The following PCDHA5 variants were observed in gnomAD, a reference collection of about 807,000 sequenced individuals.
PCDHA5 encodes the protein protocadherin alpha-5.
A neutral mutation model predicts 61.6 loss-of-function variants in PCDHA5; 43 were observed. The ratio of observed to expected loss-of-function variants is 0.70; its 90% CI spans 0.55 to 0.90. The LOEUF is 0.90. PCDHA5 is among the 40% of genes least tolerant of loss of function. The pLI is 0.00. For missense variants in PCDHA5, 1,298 were observed against 1,222.7 expected, an observed-to-expected ratio of 1.06 and a Z score of -0.92; for synonymous variants, 627 against 543.9, an observed-to-expected ratio of 1.15 and a Z score of -2.13.
Position 140,876,841 on chromosome 5 carries a change from C to T in PCDHA5, c.2352+52714C>T, listed in dbSNP as rs782712356. ...GAACGACAATGCGCCTGCGTTCGCGCAGCCCGAGTACACAGTGTTCGTGAA... is the reference window on the plus strand; with the variant it reads ...GAACGACAATGCGCCTGCGTTCGCGTAGCCCGAGTACACAGTGTTCGTGAA... On this transcript the variant is annotated intron_variant, in intron 1 of 3. Transcript: ENST00000529859. 4.3e-6 allele frequency: 7 copies of T among 1,614,130 alleles called. No homozygotes were observed. In the South Asian group the frequency reaches 7.7e-5, roughly 18 times the overall value.
At chr5:140,985,310 TG>T (rs1563522847) in intron 3 of PCDHA5, among the ~76,000 whole-genome samples, 2 of 152,196 alleles carry the variant, frequency 1.3e-5, no homozygotes, top group African/African-American at 4.8e-5. Flanking sequence ...GATAGCCTGG[TG>T]GCCAGAATTC....
intron 1 of PCDHA5, chr5:140,852,588 T>A (rs2150519378): frequency 0.079 from 70,028 of 881,224 alleles, 6,599 homozygotes; most frequent in African/African-American, 0.093. Flanking sequence ...TTTTATTTTT[T>A]TTTTTTGTCA....
intron 1 of PCDHA5, chr5:140,825,432 TATA>T (rs1768576075): frequency 6.8e-6 from 1 of 147,582 alleles, no homozygotes; most frequent in African/African-American, 2.5e-5. Context: ...ATAATAAATA[TATA>T]ATAATAATAT....
At chr5:140,881,361 C>A (rs990387338) in intron 1 of PCDHA5, 6 of 985,126 alleles carry the variant, frequency 6.1e-6, no homozygotes, top group Non-Finnish European at 7.2e-6. Context: ...GCGTGGCTTT[C>A]GTATGAATTG....
At chr5:140,850,678 C>T in intron 1 of PCDHA5, 1 of 1,598,606 alleles carries the variant, frequency 6.3e-7, no homozygotes, top group Non-Finnish European at 8.6e-7. Flanking sequence ...GCGATGCCCA[C>T]CGAGGGCGAG....
intron 1 of PCDHA5, among the ~76,000 whole-genome samples, chr5:140,972,279 A>G (rs568636203): frequency 3.3e-5 from 5 of 150,992 alleles, no homozygotes; most frequent in South Asian, 4.2e-4. Context: ...AGCTTGGACC[A>G]TAGATGTGCG....
At chr5:140,957,871 G>C (rs1312915058) in intron 1 of PCDHA5, among the ~76,000 whole-genome samples, 1 of 151,864 alleles carries the variant, frequency 6.6e-6, no homozygotes, top group African/African-American at 2.4e-5. Flanking sequence ...CCTATTTTGT[G>C]CTGAAAAGCT....
chr5:140,915,887 TC>T (rs1276492784), intron 1 of PCDHA5, among the ~76,000 whole-genome samples: 1 of 152,078 alleles, frequency 6.6e-6, no homozygotes, highest in African/African-American at 2.4e-5. Context: ...GGTAGCAAGT[TC>T]CCCCTGGCCC....
rs374163229 is a variant in PCDHA5 at position 140,870,784 on chromosome 5, G to C, written c.2352+46657G>C. 16 of 1,613,456 alleles carry C rather than the reference G, an allele frequency of 9.9e-6. No homozygotes were observed. The African/African-American group carries it at 2.0e-4, about 20-fold the overall frequency. On this transcript the variant is annotated intron_variant, in intron 1 of 3. Transcript: ENST00000529859. ...GTTCGTGCTGGACGAGAACGACAAC[G>C]CGCCGGCACTGCTGGCGACTCAGGC...
intron 3 of PCDHA5, among the ~76,000 whole-genome samples, chr5:141,006,649 G>A (rs1377970510): frequency 2.6e-5 from 4 of 152,176 alleles, no homozygotes; most frequent in Admixed American, 2.0e-4. Context: ...AGAGATGATG[G>A]TGTCCTGAAA....
At chr5:140,854,796 A>G (rs1379187736) in intron 1 of PCDHA5, 2 of 149,770 alleles carry the variant, frequency 1.3e-5, no homozygotes, top group African/African-American at 4.9e-5. Flanking sequence ...TTGAGAGAGA[A>G]AAAAATATTT....
intron 1 of PCDHA5, chr5:140,883,378 C>G (rs782530143): frequency 6.2e-7 from 1 of 1,614,146 alleles, no homozygotes; most frequent in Non-Finnish European, 8.5e-7. Context: ...CCATTATTGC[C>G]CTAATCAGTG....
At chr5:140,956,551 C>T (rs995941205) in intron 1 of PCDHA5, among the ~76,000 whole-genome samples, 1 of 152,148 alleles carries the variant, frequency 6.6e-6, no homozygotes, top group Non-Finnish European at 1.5e-5. Context: ...ATTTGGTTTG[C>T]CAGTATCTTA....
chr5:140,844,983 A>G (rs1554140802), intron 1 of PCDHA5, among the ~76,000 whole-genome samples: 1 of 149,210 alleles, frequency 6.7e-6, no homozygotes, highest in Admixed American at 6.7e-5. Flanking sequence ...ATTGTTTTAA[A>G]TCTTTTAATC....
At chr5:140,965,853 A>G (rs1554227879) in intron 1 of PCDHA5, among the ~76,000 whole-genome samples, 2 of 152,220 alleles carry the variant, frequency 1.3e-5, no homozygotes, top group Non-Finnish European at 2.9e-5. Flanking sequence ...CAAGGCACAC[A>G]CTGAAAATAA....
intron 1 of PCDHA5, chr5:140,863,197 C>A: frequency 1.1e-6 from 1 of 888,970 alleles, no homozygotes; most frequent in Non-Finnish European, 1.8e-6. Flanking sequence ...GGTGGCGTCG[C>A]TGGCGGAGAG....
At chr5:140,843,830 T>C (rs2150193091) in intron 1 of PCDHA5, 2 of 1,116,788 alleles carry the variant, frequency 1.8e-6, no homozygotes, top group East Asian at 2.4e-5. Flanking sequence ...TTAAACATTG[T>C]TTAGTTTTTA....
intron 1 of PCDHA5, chr5:140,850,256 C>G (rs781879208): frequency 1.9e-6 from 3 of 1,594,146 alleles, no homozygotes; most frequent in Non-Finnish European, 1.7e-6. Context: ...CGGTGGGCGC[C>G]GGCGTAGTGG....
intron 3 of PCDHA5, among the ~76,000 whole-genome samples, chr5:141,006,959 A>G (rs2098296620): frequency 6.6e-6 from 1 of 152,142 alleles, no homozygotes; most frequent in East Asian, 1.9e-4. Context: ...GTTATACATG[A>G]GATTGGAGCA....
Sources: gnomAD v4.1 joint callset for allele counts (sites outside exome capture counted in the v4.1 genomes callset) on GRCh38, gnomAD v4.1.1 for gene constraint, MANE v1.5 for transcripts, NCBI Gene and HGNC (gene_info 2026-07-23, HGNC 2026-07-21) for gene names.